The following MAPRE1 variants were observed in gnomAD, a reference collection of about 807,000 sequenced individuals.
MAPRE1 encodes microtubule associated protein RP/EB family member 1, also known as microtubule-associated protein RP/EB family member 1.
A neutral mutation model predicts 32.1 loss-of-function variants in MAPRE1; 5 were observed. That is an observed-to-expected ratio of 0.16 (90% CI 0.08 to 0.33). MAPRE1 has a LOEUF of 0.33. Among genes scored for constraint, MAPRE1 ranks in the 10% least tolerant of loss-of-function variants. The pLI is 1.00. For synonymous variants in MAPRE1, 122 were observed against 118.9 expected, an observed-to-expected ratio of 1.03 and a Z score of -0.17; for missense variants, 209 against 327.2, an observed-to-expected ratio of 0.64 and a Z score of 2.79.
chr20:32,842,845 T>G (rs187750112), intron 5 of MAPRE1, among the ~76,000 whole-genome samples: 1 of 152,078 alleles, frequency 6.6e-6, no homozygotes, highest in Admixed American at 6.6e-5. Flanking sequence ...GAGAGTGTGA[T>G]TGGGGTCTGA....
chr20:32,830,303 C>A (rs2268321), intron 2 of MAPRE1, among the ~76,000 whole-genome samples: 29,244 of 152,070 alleles, frequency 0.19, 3,020 homozygotes, highest in East Asian at 0.35. Flanking sequence ...ACATGGTCCT[C>A]CTGCTCTGGG....
chr20:32,838,112 A>G (rs942336357), intron 4 of MAPRE1, among the ~76,000 whole-genome samples: 19 of 152,110 alleles, frequency 1.2e-4, no homozygotes, highest in Non-Finnish European at 4.4e-5. Context: ...AACCTTGTAC[A>G]TAGTTAATAG....
At chr20:32,830,401 CATT>C (rs1217620900) in intron 2 of MAPRE1, among the ~76,000 whole-genome samples, 3 of 152,210 alleles carry the variant, frequency 2.0e-5, no homozygotes, top group Non-Finnish European at 2.9e-5. Flanking sequence ...CCCTACCTGT[CATT>C]ACTTAAAATC....
At chr20:32,845,020 TATGTATGTATGTATGA>T (rs950305544) in intron 5 of MAPRE1, among the ~76,000 whole-genome samples, 16 of 140,174 alleles carry the variant, frequency 1.1e-4, no homozygotes, top group Middle Eastern at 3.4e-3. Flanking sequence ...TGTATGTATG[TATGTATGTATGTATGA>T]ATGAATGAAT....
rs1348716658 is a variant in MAPRE1, at chr20:32,829,316, C to T, written c.121+3268C>T. Among the ~76,000 whole-genome samples the T allele has an allele frequency of 2.6e-5, 4 of 152,310 alleles. No individual in the cohort carries two copies. The East Asian group carries it at 7.7e-4, about 29-fold the overall frequency. On this transcript the variant is annotated intron_variant, in intron 2 of 6. Transcript: ENST00000375571. ...CACTTAACTGTGATTTGTAAACAAA[C>T]TTGTTCATTCATAACTAGTCTTCTT...
chr20:32,843,344 A>G (rs1387161532), intron 5 of MAPRE1: 1 of 152,102 alleles, frequency 6.6e-6, no homozygotes, highest in African/African-American at 2.4e-5. Context: ...TGCACACACT[A>G]CCTTGTGGTA....
intron 5 of MAPRE1, among the ~76,000 whole-genome samples, chr20:32,840,314 C>T (rs1402921564): frequency 6.6e-6 from 1 of 151,922 alleles, no homozygotes; most frequent in African/African-American, 2.4e-5. Flanking sequence ...TTGGGTGATT[C>T]GAAATGTCTT....
intron 6 of MAPRE1, among the ~76,000 whole-genome samples, chr20:32,848,334 T>C (rs1323184368): frequency 2.0e-5 from 3 of 152,168 alleles, no homozygotes; most frequent in Non-Finnish European, 4.4e-5. Context: ...CACCTGGCCT[T>C]CTTTCTTCTT....
intron 5 of MAPRE1, among the ~76,000 whole-genome samples, chr20:32,841,005 AG>A (rs1011521224): frequency 1.4e-4 from 22 of 152,110 alleles, no homozygotes; most frequent in African/African-American, 5.3e-4. Context: ...TAGTAGAGAC[AG>A]GGTTTCACCA....
At position 32,848,665 on chromosome 20, in the gene MAPRE1, A is replaced by G. The variant is rs915558246; in HGVS notation, c.751-7A>G. On this transcript the variant is annotated splice_polypyrimidine_tract_variant and splice_region_variant and intron_variant, in intron 6 of 6. Coordinates refer to ENST00000375571, the MANE Select transcript of MAPRE1 (RefSeq NM_012325.3). ...AGTGGCTTTCCCCTCTCATTTTCCT[A>G]TTTCAGGAAGGCTTTGTGATACCTG... The G allele has an allele frequency of 1.3e-5, 21 of 1,611,380 alleles. No individual in the cohort carries two copies. Among genetic ancestry groups the G allele is most frequent in the East Asian group, 4.5e-5 (2 of 44,842 alleles).
chr20:32,836,857 C>T lies in MAPRE1; in HGVS notation c.475+16C>T, dbSNP rs1483918462. On this transcript the variant is annotated intron_variant, in intron 4 of 6. Transcript: ENST00000375571. ...AGCAGTGCAGGTAAAAAAACAACCCCAAAACGTTTCCAAAAAATAGCGTTC... is the reference window on the plus strand; with the variant it reads ...AGCAGTGCAGGTAAAAAAACAACCCTAAAACGTTTCCAAAAAATAGCGTTC... 2.5e-6 allele frequency: 4 copies of T among 1,574,250 alleles called. No homozygotes were observed. Among genetic ancestry groups the T allele is most frequent in the Non-Finnish European group, 3.4e-6 (4 of 1,166,776 alleles).
chr20:32,838,907 C>T (rs888757009), intron 4 of MAPRE1, among the ~76,000 whole-genome samples: 2 of 152,150 alleles, frequency 1.3e-5, no homozygotes, highest in Admixed American at 1.3e-4. Flanking sequence ...AAAATAATTG[C>T]TAAGTAGGTG....
At chr20:32,846,142 C>T (rs1412524873) in intron 5 of MAPRE1, among the ~76,000 whole-genome samples, 2 of 152,162 alleles carry the variant, frequency 1.3e-5, no homozygotes, top group Non-Finnish European at 2.9e-5. Flanking sequence ...TAATGGGAAT[C>T]AGAGACCCTC....
chr20:32,831,940 T>A, intron 2 of MAPRE1, among the ~76,000 whole-genome samples: 1 of 128,612 alleles, frequency 7.8e-6, no homozygotes. Context: ...AAAAAGTTCG[T>A]CCGTTTCAAA....
chr20:32,832,557 T>C (rs1444022912), intron 2 of MAPRE1, among the ~76,000 whole-genome samples: 3 of 149,580 alleles, frequency 2.0e-5, no homozygotes, highest in Non-Finnish European at 4.4e-5. Flanking sequence ...GTCCTTGACC[T>C]CTTGGGCTCA....
rs1290571834 is a variant in MAPRE1 at position 32,849,517 on chromosome 20, G to A, written c.*789G>A. The stretch of plus-strand genomic sequence containing the variant: ...TGTATTATATTTTTTGGGGAAGTGA[G>A]GTGTGCCCAGTTTTTTAATCTAACA... On this transcript the variant is annotated 3_prime_UTR_variant, in exon 7 of 7. Transcript: ENST00000375571. 6.6e-6 allele frequency: 1 copy of A among 152,352 alleles called. No homozygotes were observed. Among genetic ancestry groups the A allele is most frequent in the Non-Finnish European group, 1.5e-5 (1 of 68,042 alleles). The allele number at this position is 152,352 out of a possible 1,614,324, so 9.4% of individuals were successfully genotyped here.
intron 2 of MAPRE1, among the ~76,000 whole-genome samples, chr20:32,833,213 A>G (rs1437422489): frequency 6.6e-6 from 1 of 152,158 alleles, no homozygotes; most frequent in Non-Finnish European, 1.5e-5. Context: ...AAGAAAAGAA[A>G]AGAAATGATA....
At chr20:32,820,482 A>G (rs78581815) in intron 1 of MAPRE1, among the ~76,000 whole-genome samples, 2,043 of 152,196 alleles carry the variant, frequency 0.013, 44 homozygotes, top group African/African-American at 0.047. Flanking sequence ...GACCTTGGAC[A>G]GGTGCTTTAA....
chr20:32,823,598 A>G (rs1982761442), intron 1 of MAPRE1, among the ~76,000 whole-genome samples: 1 of 152,228 alleles, frequency 6.6e-6, no homozygotes, highest in South Asian at 2.1e-4. Context: ...AATGAGAGCA[A>G]GATTCTACCG....
Sources: allele counts gnomAD v4.1 joint callset (sites outside exome capture counted in the v4.1 genomes callset), GRCh38; gene constraint gnomAD v4.1.1; transcripts MANE v1.5; gene names NCBI Gene and HGNC (gene_info 2026-07-23, HGNC 2026-07-21).